ATG14: variants seen among roughly 807,000 people sequenced by gnomAD.
The protein encoded by ATG14 is autophagy related 14.
In ATG14, 35 loss-of-function variants were observed where a neutral mutation model predicts 60.4. That is an observed-to-expected ratio of 0.58 (90% CI 0.44 to 0.77). The LOEUF is 0.77. Among genes scored for constraint, ATG14 ranks in the 30% least tolerant of loss-of-function variants. The pLI, the probability that ATG14 is intolerant of heterozygous loss-of-function variation, is 0.00. For synonymous variants in ATG14, 234 were observed against 228.8 expected (o/e 1.02, Z -0.21); for missense variants, 647 against 626.3 (o/e 1.03, Z -0.35).
At chr14:55,389,779 T>C (rs369182347) in intron 4 of ATG14, among the ~76,000 whole-genome samples, 6 of 152,234 alleles carry the variant, frequency 3.9e-5, no homozygotes, top group African/African-American at 9.6e-5. Context: ...CCTAATGTAA[T>C]AGAAATGTAT....
intron 7 of ATG14, among the ~76,000 whole-genome samples, chr14:55,379,825 C>T (rs943654617): frequency 6.6e-6 from 1 of 152,180 alleles, no homozygotes; most frequent in African/African-American, 2.4e-5. Flanking sequence ...CGGATTCAAG[C>T]GATTCTTCTG....
chr14:55,398,013 T>G (rs1489559234), intron 1 of ATG14, among the ~76,000 whole-genome samples: 3 of 147,748 alleles, frequency 2.0e-5, no homozygotes, highest in African/African-American at 7.7e-5. Context: ...AGTGGTGCGA[T>G]CTTGGCTCAC....
intron 9 of ATG14, among the ~76,000 whole-genome samples, chr14:55,375,538 C>G (rs1242051088): frequency 7.8e-6 from 1 of 128,998 alleles, no homozygotes; most frequent in Admixed American, 8.9e-5. Context: ...GACATGGAGT[C>G]TCACTATGTT....
chr14:55,383,089 G>A (rs1241245021), intron 5 of ATG14, among the ~76,000 whole-genome samples: 2 of 152,204 alleles, frequency 1.3e-5, no homozygotes, highest in African/African-American at 4.8e-5. Flanking sequence ...GTGCAGCTCA[G>A]TCTCTCAAGT....
intron 2 of ATG14, among the ~76,000 whole-genome samples, chr14:55,396,593 C>T (rs754540236): frequency 5.9e-5 from 9 of 152,128 alleles, no homozygotes; most frequent in South Asian, 2.1e-4. Context: ...GAGACATCCA[C>T]GTTGGCATGG....
chr14:55,405,542 C>G (rs148113503), intron 1 of ATG14, among the ~76,000 whole-genome samples: 379 of 152,340 alleles, frequency 2.5e-3, no homozygotes, highest in Admixed American at 7.2e-3. Flanking sequence ...CCAGCAGATA[C>G]ATTTCCCCAG....
chr14:55,385,097 T>G (rs1885101063), intron 5 of ATG14, among the ~76,000 whole-genome samples: 1 of 152,218 alleles, frequency 6.6e-6, no homozygotes. Flanking sequence ...TAAGCCAACA[T>G]GTAGTGCCCA....
chr14:55,410,050 G>T (rs1206458550), intron 1 of ATG14, among the ~76,000 whole-genome samples: 2 of 152,146 alleles, frequency 1.3e-5, no homozygotes, highest in Non-Finnish European at 2.9e-5. Context: ...AACAGAGTTG[G>T]GTTAAGAGAG....
Position 55,380,628 on chromosome 14 carries a change from C to G in ATG14, c.940G>C (p.Val314Leu). ...SAALCYATQL[V>L]NILSHILDVN... Reference sequence around the variant, plus strand: ...TCAAGTATATGAGACAGAATGTTGACCAGCTGAGTTGCATAGCACAGCGCA... The same window carrying G: ...TCAAGTATATGAGACAGAATGTTGAGCAGCTGAGTTGCATAGCACAGCGCA... The change falls in exon 7 of 10, where the codon GTC becomes CTC. Residue 314 changes from valine to leucine, a missense_variant. Physicochemically the swap from Val to Leu is conservative, Grantham distance 32 (BLOSUM62 1). Transcript: ENST00000247178. 6.2e-7 allele frequency: 1 copy of G among 1,613,184 alleles called. No homozygotes were observed. The highest frequency in any genetic ancestry group is 2.2e-5 in the East Asian group (1 of 44,846).
intron 1 of ATG14, among the ~76,000 whole-genome samples, chr14:55,405,314 A>G (rs937118759): frequency 6.6e-6 from 1 of 152,228 alleles, no homozygotes; most frequent in Non-Finnish European, 1.5e-5. Flanking sequence ...GAAATCTGCA[A>G]TAATATTTAA....
intron 1 of ATG14, among the ~76,000 whole-genome samples, chr14:55,405,041 C>T (rs1472274152): frequency 6.6e-6 from 1 of 152,164 alleles, no homozygotes. Flanking sequence ...CTTAGCAGAT[C>T]CACATTTTCT....
chr14:55,379,325 CAGG>C (rs1329113515), intron 7 of ATG14, among the ~76,000 whole-genome samples: 1 of 151,780 alleles, frequency 6.6e-6, no homozygotes, highest in African/African-American at 2.4e-5. Flanking sequence ...CGCTTGAGCC[CAGG>C]AGTTCAAGAC....
At chr14:55,370,512 T>C (rs200043542) in intron 9 of ATG14, among the ~76,000 whole-genome samples, 2 of 152,168 alleles carry the variant, frequency 1.3e-5, no homozygotes, top group East Asian at 3.8e-4. Flanking sequence ...GAGAAAACAA[T>C]TTTTATTTCT....
chr14:55,393,738 A>G (rs1342688626), intron 3 of ATG14, among the ~76,000 whole-genome samples: 3 of 151,874 alleles, frequency 2.0e-5, no homozygotes, highest in Non-Finnish European at 4.4e-5. Flanking sequence ...GTTTTTGTAG[A>G]TATGGGGTTT....
Position 55,403,338 on chromosome 14 carries a change from A to G in ATG14, c.222-5904T>C, listed in dbSNP as rs116715292. On this transcript the variant is annotated intron_variant, in intron 1 of 9. Coordinates refer to ENST00000247178, the MANE Select transcript of ATG14 (RefSeq NM_014924.5). ...AACTCAACTATAGAATCAGACCACA[A>G]AAAGAGACTGAGGGATTATGAAACC... 8.4e-3 allele frequency among the ~76,000 whole-genome samples: 1,273 copies of G among 152,236 alleles called. 23 individuals carry two copies. Among genetic ancestry groups the G allele is most frequent in the African/African-American group, 0.029 (1,224 of 41,546 alleles).
rs117866325 is a variant in ATG14, at chr14:55,378,400, C to T, written c.996-326G>A. Among the ~76,000 whole-genome samples the T allele has an allele frequency of 3.3e-5, 5 of 152,330 alleles. No homozygotes were observed. The East Asian group carries it at 9.6e-4, about 29-fold the overall frequency. On this transcript the variant is annotated intron_variant, in intron 7 of 9. Transcript: ENST00000247178. ...CAACAGCAGACTGGTAAGATCTTGA[C>T]ACCTTTACAGAAAGGCAAACTATAC...
At chr14:55,378,939 C>T (rs918388915) in intron 7 of ATG14, among the ~76,000 whole-genome samples, 1 of 152,034 alleles carries the variant, frequency 6.6e-6, no homozygotes, top group Non-Finnish European at 1.5e-5. Context: ...AACTCCTGAG[C>T]TCAAGTGATC....
rs531413220 is a variant in ATG14, at chr14:55,407,207, C to A, written c.221+4395G>T. On this transcript the variant is annotated intron_variant, in intron 1 of 9. Coordinates refer to ENST00000247178, the MANE Select transcript of ATG14 (RefSeq NM_014924.5). Reference sequence around the variant, plus strand: ...GCAATGGTGTGATCTTGGCTCACTGCAACCTCCGCCTCCCGGGTTCAGGCA... The same window carrying A: ...GCAATGGTGTGATCTTGGCTCACTGAAACCTCCGCCTCCCGGGTTCAGGCA... 1.1e-3 allele frequency among the ~76,000 whole-genome samples: 172 copies of A among 152,322 alleles called. 1 individual carries two copies. The highest frequency in any genetic ancestry group is 3.9e-3 in the African/African-American group (163 of 41,570).
intron 2 of ATG14, among the ~76,000 whole-genome samples, chr14:55,396,545 T>A (rs1439044499): frequency 6.6e-6 from 1 of 152,224 alleles, no homozygotes; most frequent in Non-Finnish European, 1.5e-5. Flanking sequence ...ACTTTGGGAA[T>A]CAGTGGCCTG....
Sources: gnomAD v4.1 joint callset for allele counts (sites outside exome capture counted in the v4.1 genomes callset) on GRCh38, gnomAD v4.1.1 for gene constraint, MANE v1.5 for transcripts, NCBI Gene and HGNC (gene_info 2026-07-23, HGNC 2026-07-21) for gene names.